Variants in PPARGC1A observed in about 807,000 individuals in gnomAD.
PPARGC1A encodes PPARG coactivator 1 alpha.
A neutral mutation model predicts 88.7 loss-of-function variants in PPARGC1A; 25 were observed. That is an observed-to-expected ratio of 0.28 (90% CI 0.21 to 0.39). The LOEUF (loss-of-function observed/expected upper bound fraction) is 0.39, where lower values mean the gene tolerates loss of function less well. Ranked by LOEUF, PPARGC1A falls within the 10% of genes least tolerant of loss-of-function variation. PPARGC1A has a pLI of 1.00. For missense variants in PPARGC1A, 880 were observed against 968.7 expected (o/e 0.91, Z 1.22); for synonymous variants, 363 against 355.6 (o/e 1.02, Z -0.24).
At chr4:23,974,688 A>C in the PPARGC1A span, among the ~76,000 whole-genome samples, 1 of 150,650 alleles carries the variant, frequency 6.6e-6, no homozygotes, top group Non-Finnish European at 1.5e-5. Context: ...GCTGGAGTGC[A>C]GTGGCGTGAT....
the PPARGC1A span, among the ~76,000 whole-genome samples, chr4:24,243,048 G>A: frequency 1.3e-5 from 2 of 152,126 alleles, no homozygotes; most frequent in Non-Finnish European, 2.9e-5. Flanking sequence ...TCTGACTCAT[G>A]TCTTTCTCTT....
At chr4:23,989,875 A>G in the PPARGC1A span, among the ~76,000 whole-genome samples, 1 of 151,088 alleles carries the variant, frequency 6.6e-6, no homozygotes, top group African/African-American at 2.4e-5. Flanking sequence ...AATAACTGAT[A>G]ATTTTATCCC....
intron 2 of PPARGC1A, among the ~76,000 whole-genome samples, chr4:23,850,385 A>T (rs1729071732): frequency 6.6e-6 from 1 of 152,224 alleles, no homozygotes; most frequent in Non-Finnish European, 1.5e-5. Flanking sequence ...TAATATTGTC[A>T]TAAAGGCCAA....
At position 23,831,617 on chromosome 4, in the gene PPARGC1A, A is replaced by G; in HGVS notation, c.369T>C (p.Ala123=). ...TDGDVTTDNE[A]SPSSMPDGTP... is the part of the protein sequence containing the mutation. ...TGCCGTCAGGCATGGAGGAAGGACT[A>G]GCCTCATTGTCAGTGGTCACGTCTC... Residue 123 remains alanine, a synonymous_variant, in exon 3 of 13, where the codon GCT becomes GCC. Transcript: ENST00000264867. 1.2e-6 allele frequency: 2 copies of G among 1,614,106 alleles called. No homozygotes were observed. The highest frequency in any genetic ancestry group is 1.7e-5 in the Admixed American group (1 of 60,010).
the PPARGC1A span, among the ~76,000 whole-genome samples, chr4:23,972,195 C>A: frequency 5.9e-5 from 9 of 152,142 alleles, no homozygotes; most frequent in Non-Finnish European, 1.2e-4. Context: ...AGTAATGAAA[C>A]TGTCAGAAGT....
the PPARGC1A span, among the ~76,000 whole-genome samples, chr4:24,006,844 A>C: frequency 2.9e-4 from 44 of 152,322 alleles, no homozygotes; most frequent in Non-Finnish European, 1.5e-5. Context: ...TAAATGTAAA[A>C]TCTGGTATGC....
chr4:24,076,604 G>A, the PPARGC1A span, among the ~76,000 whole-genome samples: 3 of 152,108 alleles, frequency 2.0e-5, no homozygotes, highest in East Asian at 3.9e-4. Flanking sequence ...AAGCCTGGGG[G>A]GCTGGACAGC....
chr4:24,064,021 G>A, the PPARGC1A span, among the ~76,000 whole-genome samples: 1 of 152,186 alleles, frequency 6.6e-6, no homozygotes, highest in African/African-American at 2.4e-5. Flanking sequence ...GCCTTCCTGA[G>A]TTGGCCAGAC....
At chr4:24,212,717 C>G in the PPARGC1A span, among the ~76,000 whole-genome samples, 1 of 152,148 alleles carries the variant, frequency 6.6e-6, no homozygotes, top group African/African-American at 2.4e-5. Context: ...GCGAGAACCA[C>G]AAGGCCTGCT....
At chr4:24,445,537 G>C in the PPARGC1A span, among the ~76,000 whole-genome samples, 1 of 152,170 alleles carries the variant, frequency 6.6e-6, no homozygotes, top group Admixed American at 6.5e-5. Flanking sequence ...CAGTGGATTA[G>C]ATTCTTCCAA....
chr4:24,339,126 A>T, the PPARGC1A span, among the ~76,000 whole-genome samples: 2 of 151,060 alleles, frequency 1.3e-5, no homozygotes, highest in African/African-American at 4.9e-5. Flanking sequence ...ATGTAAGTGG[A>T]ATCACATATT....
At chr4:24,227,224 A>G in the PPARGC1A span, among the ~76,000 whole-genome samples, 1 of 151,972 alleles carries the variant, frequency 6.6e-6, no homozygotes, top group African/African-American at 2.4e-5. Context: ...AGCTGGGACT[A>G]CAGGCACACG....
At chr4:23,999,771 A>T in the PPARGC1A span, among the ~76,000 whole-genome samples, 1 of 152,168 alleles carries the variant, frequency 6.6e-6, no homozygotes, top group Non-Finnish European at 1.5e-5. Flanking sequence ...CGGGAAAGAA[A>T]AAGGCACTCT....
the PPARGC1A span, among the ~76,000 whole-genome samples, chr4:24,279,466 G>A: frequency 2.0e-5 from 3 of 152,138 alleles, no homozygotes; most frequent in South Asian, 4.1e-4. Context: ...AAGAAGTAAC[G>A]GGGGGAGAAG....
chr4:24,427,134 T>C, the PPARGC1A span, among the ~76,000 whole-genome samples: 25 of 152,314 alleles, frequency 1.6e-4, no homozygotes, highest in African/African-American at 5.5e-4. Context: ...TAGGTTCCCA[T>C]AGTAAGGTCA....
the PPARGC1A span, among the ~76,000 whole-genome samples, chr4:23,927,402 ATATT>A: frequency 7.2e-5 from 11 of 152,128 alleles, no homozygotes; most frequent in Admixed American, 6.5e-4. Context: ...AGCCTCCTAT[ATATT>A]TATTTCTTCA....
chr4:24,133,700 A>G, the PPARGC1A span, among the ~76,000 whole-genome samples: 1 of 152,192 alleles, frequency 6.6e-6, no homozygotes, highest in African/African-American at 2.4e-5. Context: ...AACTTCTTTC[A>G]GGACCGCTTT....
At chr4:24,343,972 TA>T in the PPARGC1A span, among the ~76,000 whole-genome samples, 1 of 151,724 alleles carries the variant, frequency 6.6e-6, no homozygotes, top group Non-Finnish European at 1.5e-5. Flanking sequence ...AGCTCCCACA[TA>T]TCAGTGAGAA....
At chr4:24,076,254 G>T in the PPARGC1A span, among the ~76,000 whole-genome samples, 1 of 152,044 alleles carries the variant, frequency 6.6e-6, no homozygotes, top group African/African-American at 2.4e-5. Flanking sequence ...TTACAGATGA[G>T]AAAACCAAAG....
Sources: gnomAD v4.1 joint callset for allele counts (sites outside exome capture counted in the v4.1 genomes callset) on GRCh38, gnomAD v4.1.1 for gene constraint, MANE v1.5 for transcripts, NCBI Gene and HGNC (gene_info 2026-07-23, HGNC 2026-07-21) for gene names.